The following KIAA0825 variants were observed in gnomAD, a reference collection of about 807,000 sequenced individuals.
KIAA0825 encodes uncharacterized protein KIAA0825.
In KIAA0825, 119 loss-of-function variants were observed where a neutral mutation model predicts 147.6. The ratio of observed to expected loss-of-function variants is 0.81; its 90% CI spans 0.69 to 0.94. The LOEUF is 0.94. Ranked by LOEUF, KIAA0825 falls within the 40% of genes least tolerant of loss-of-function variation. The pLI is 0.00. For missense variants in KIAA0825, 1,381 were observed against 1,472.7 expected (o/e 0.94, Z 1.02); for synonymous variants, 470 against 518.1 (o/e 0.91, Z 1.26).
chr5:94,552,508 G>A (rs1393878486), intron 2 of KIAA0825, among the ~76,000 whole-genome samples: 1 of 152,090 alleles, frequency 6.6e-6, no homozygotes, highest in Non-Finnish European at 1.5e-5. Context: ...CATATGTTAG[G>A]ACACAAAACA....
At chr5:94,322,364 T>C (rs1207821405) in intron 20 of KIAA0825, among the ~76,000 whole-genome samples, 1 of 151,756 alleles carries the variant, frequency 6.6e-6, no homozygotes, top group Non-Finnish European at 1.5e-5. Flanking sequence ...TAAATAATAG[T>C]TTGCAATAGG....
chr5:94,345,557 T>C (rs1782888672), intron 20 of KIAA0825, among the ~76,000 whole-genome samples: 2 of 152,174 alleles, frequency 1.3e-5, no homozygotes. Flanking sequence ...ATCTTTATAA[T>C]TGAGAATATG....
At chr5:94,418,432 C>T (rs781117327) in intron 14 of KIAA0825, among the ~76,000 whole-genome samples, 1 of 151,992 alleles carries the variant, frequency 6.6e-6, no homozygotes, top group Non-Finnish European at 1.5e-5. Flanking sequence ...ATCCCTGCTC[C>T]TATCTGTGTC....
intron 20 of KIAA0825, among the ~76,000 whole-genome samples, chr5:94,371,274 T>G (rs377110214): frequency 6.6e-6 from 1 of 152,210 alleles, no homozygotes; most frequent in African/African-American, 2.4e-5. Context: ...TGAGTTTCAC[T>G]TACAGTATAA....
chr5:94,362,237 G>T (rs1478664558), intron 20 of KIAA0825, among the ~76,000 whole-genome samples: 1 of 152,096 alleles, frequency 6.6e-6, no homozygotes, highest in Non-Finnish European at 1.5e-5. Context: ...TGGAAAGAAA[G>T]AATCTGTAAC....
chr5:94,270,620 CAGA>C (rs1379442682), intron 20 of KIAA0825, among the ~76,000 whole-genome samples: 1 of 152,006 alleles, frequency 6.6e-6, no homozygotes, highest in Non-Finnish European at 1.5e-5. Context: ...AATTCAAAAG[CAGA>C]CTCTGATATA....
intron 20 of KIAA0825, among the ~76,000 whole-genome samples, chr5:94,350,364 G>A (rs899459913): frequency 2.0e-5 from 3 of 152,056 alleles, no homozygotes; most frequent in African/African-American, 7.2e-5. Flanking sequence ...AAGAAGAATT[G>A]GTACCAATCC....
At chr5:94,487,003 G>T (rs550808196) in intron 5 of KIAA0825, among the ~76,000 whole-genome samples, 5 of 152,250 alleles carry the variant, frequency 3.3e-5, no homozygotes, top group Non-Finnish European at 7.4e-5. Flanking sequence ...TGGAAGTCTT[G>T]TGAATGTTTA....
intron 1 of KIAA0825, among the ~76,000 whole-genome samples, chr5:94,591,351 A>G (rs1784323847): frequency 6.6e-6 from 1 of 152,230 alleles, no homozygotes; most frequent in Non-Finnish European, 1.5e-5. Flanking sequence ...CTTTTAGTGC[A>G]AGCCACTACT....
intron 2 of KIAA0825, among the ~76,000 whole-genome samples, chr5:94,537,552 G>A (rs1263844682): frequency 6.8e-6 from 1 of 146,114 alleles, no homozygotes; most frequent in Non-Finnish European, 1.5e-5. Flanking sequence ...TTGGGAGGCT[G>A]AGGCAGAAGA....
rs905737672 is a variant in KIAA0825 at position 94,593,175 on chromosome 5, T to G, written c.-152-10592A>C. 1.3e-5 allele frequency: 10 copies of G among 749,792 alleles called. No individual in the cohort carries two copies. In the East Asian group the frequency reaches 2.2e-4, roughly 17 times the overall value. The allele number at this position is 749,792 out of a possible 1,614,324, so 46.4% of individuals were successfully genotyped here. On this transcript the variant is annotated intron_variant, in intron 1 of 20. Transcript: ENST00000682413. ...CTGGTGAGGCCCACGATCCGCTAGT[T>G]GAAGCACTAGTTACAGAAGCATGGG...
rs200281075 is a variant in KIAA0825 at position 94,534,515 on chromosome 5, C to T, written c.131+2481G>A. ...GTGAAGATCAATGGTCACTTGAAGACGTTCTGCTCTAGGTTCGTTTTAATA... is the reference window on the plus strand; with the variant it reads ...GTGAAGATCAATGGTCACTTGAAGATGTTCTGCTCTAGGTTCGTTTTAATA... On this transcript the variant is annotated intron_variant, in intron 3 of 20. Transcript: ENST00000682413. Among the ~76,000 whole-genome samples, 7 of 152,190 alleles carry T rather than the reference C, an allele frequency of 4.6e-5. No individual in the cohort carries two copies. In the East Asian group the frequency reaches 1.3e-3, roughly 29 times the overall value.
chr5:94,583,956 GA>G (rs140853117), intron 1 of KIAA0825, among the ~76,000 whole-genome samples: 2,730 of 152,328 alleles, frequency 0.018, 64 homozygotes, highest in African/African-American at 0.053. Flanking sequence ...GGGCCTGTTA[GA>G]AGGAAAACTA....
chr5:94,220,765 T>G (rs1773605837), intron 20 of KIAA0825, among the ~76,000 whole-genome samples: 1 of 152,224 alleles, frequency 6.6e-6, no homozygotes, highest in Non-Finnish European at 1.5e-5. Context: ...TTCCATTCAC[T>G]AAGAATCTGT....
chr5:94,563,231 G>A (rs531020538), intron 2 of KIAA0825, among the ~76,000 whole-genome samples: 82 of 151,904 alleles, frequency 5.4e-4, no homozygotes, highest in Non-Finnish European at 9.9e-4. Context: ...GGTGGTGGGC[G>A]CCTGTAGTCC....
At chr5:94,436,316 G>A (rs181651512) in intron 14 of KIAA0825, among the ~76,000 whole-genome samples, 1 of 152,244 alleles carries the variant, frequency 6.6e-6, no homozygotes, top group African/African-American at 2.4e-5. Context: ...GTGTAAGGAA[G>A]GGGTCCACTT....
At chr5:94,503,831 A>G (rs553450024) in intron 5 of KIAA0825, among the ~76,000 whole-genome samples, 24 of 152,280 alleles carry the variant, frequency 1.6e-4, no homozygotes, top group African/African-American at 5.3e-4. Flanking sequence ...AGAAGAGCCT[A>G]CTCTGCATTC....
chr5:94,355,526 G>A (rs1409539195), intron 20 of KIAA0825, among the ~76,000 whole-genome samples: 4 of 152,234 alleles, frequency 2.6e-5, no homozygotes, highest in Middle Eastern at 6.8e-3. Context: ...CCCCAGACCC[G>A]TTAGATAGGA....
At chr5:94,575,654 A>C (rs1447266057) in intron 2 of KIAA0825, among the ~76,000 whole-genome samples, 1 of 152,272 alleles carries the variant, frequency 6.6e-6, no homozygotes, top group Non-Finnish European at 1.5e-5. Context: ...GCGTGGAAGA[A>C]GACCAATTAT....
Sources: gnomAD v4.1 joint callset for allele counts (sites outside exome capture counted in the v4.1 genomes callset) on GRCh38, gnomAD v4.1.1 for gene constraint, MANE v1.5 for transcripts, NCBI Gene and HGNC (gene_info 2026-07-23, HGNC 2026-07-21) for gene names.